NGF: variants seen among roughly 807,000 people sequenced by gnomAD.
The protein encoded by NGF is beta-nerve growth factor.
Under a neutral mutation model 12.8 loss-of-function variants are expected in NGF, and 4 were observed. That is an observed-to-expected ratio of 0.31 (90% CI 0.15 to 0.72). The LOEUF is 0.72. Ranked by LOEUF, NGF falls within the 30% of genes least tolerant of loss-of-function variation. The probability of loss-of-function intolerance (pLI) is 0.69; values close to 1 mark genes in which losing one functional copy is unlikely to be tolerated. For missense variants in NGF, 283 were observed against 330.8 expected, an observed-to-expected ratio of 0.86 and a Z score of 1.12; for synonymous variants, 140 against 130.0, an observed-to-expected ratio of 1.08 and a Z score of -0.52.
At chr1:115,327,410 GAC>G (rs1430969809) in intron 1 of NGF, among the ~76,000 whole-genome samples, 2 of 152,224 alleles carry the variant, frequency 1.3e-5, no homozygotes, top group East Asian at 3.9e-4. Flanking sequence ...TCATTTCCAA[GAC>G]ACAGAGATGC....
At chr1:115,306,511 G>A (rs1014814304) in intron 1 of NGF, among the ~76,000 whole-genome samples, 2 of 152,114 alleles carry the variant, frequency 1.3e-5, no homozygotes, top group African/African-American at 4.8e-5. Context: ...CAGGTGAAAT[G>A]GTCTCTTTCT....
At chr1:115,307,470 C>T (rs1354357072) in intron 1 of NGF, among the ~76,000 whole-genome samples, 1 of 152,190 alleles carries the variant, frequency 6.6e-6, no homozygotes, top group Non-Finnish European at 1.5e-5. Context: ...ATCTCAACCT[C>T]AGCTCTGGTG....
intron 1 of NGF, among the ~76,000 whole-genome samples, chr1:115,303,600 C>T (rs12058927): frequency 0.25 from 37,504 of 151,926 alleles, 5,484 homozygotes; most frequent in African/African-American, 0.41. Context: ...CAACATCCTA[C>T]CACCACCACC....
chr1:115,310,884 G>A (rs1191550249), intron 1 of NGF, among the ~76,000 whole-genome samples: 2 of 152,126 alleles, frequency 1.3e-5, no homozygotes, highest in African/African-American at 4.8e-5. Flanking sequence ...AGGGGTCATG[G>A]GAGGAGTAAC....
intron 2 of NGF, among the ~76,000 whole-genome samples, chr1:115,292,200 T>A (rs1653724105): frequency 6.6e-6 from 1 of 152,102 alleles, no homozygotes; most frequent in African/African-American, 2.4e-5. Flanking sequence ...TCCAGCAAGG[T>A]ACTTCAGAGG....
At chr1:115,305,451 C>G (rs1272235075) in intron 1 of NGF, among the ~76,000 whole-genome samples, 1 of 152,210 alleles carries the variant, frequency 6.6e-6, no homozygotes, top group Non-Finnish European at 1.5e-5. Context: ...AAGGGAGCAA[C>G]AGTTCCACCC....
In NGF at chr1:115,327,347, T is replaced by G. The variant is rs1319562741; in HGVS notation, c.-137+10857A>C. Among the ~76,000 whole-genome samples, 2 of 152,234 alleles carry G rather than the reference T, an allele frequency of 1.3e-5. 1 individual carries two copies. The highest frequency in any genetic ancestry group is 4.8e-5 in the African/African-American group (2 of 41,462). Reference sequence around the variant, plus strand: ...GCTTTCTGACATCTCCTGCTCTTTTTTGGAAAAGTTCAAAAACAGCACTTG... The same window carrying G: ...GCTTTCTGACATCTCCTGCTCTTTTGTGGAAAAGTTCAAAAACAGCACTTG... On this transcript the variant is annotated intron_variant, in intron 1 of 2. Coordinates refer to ENST00000369512, the MANE Select transcript of NGF (RefSeq NM_002506.3).
intron 2 of NGF, among the ~76,000 whole-genome samples, chr1:115,289,155 C>T (rs929481386): frequency 6.6e-6 from 1 of 152,166 alleles, no homozygotes; most frequent in Non-Finnish European, 1.5e-5. Context: ...GTCCGGTCAA[C>T]TCTTAGCGGA....
intron 1 of NGF, among the ~76,000 whole-genome samples, chr1:115,294,735 AT>A (rs1392251608): frequency 7.2e-5 from 11 of 152,230 alleles, no homozygotes; most frequent in South Asian, 2.1e-4. Context: ...GGGAGAGAAC[AT>A]TCTAGGCAGC....
intron 1 of NGF, among the ~76,000 whole-genome samples, chr1:115,312,380 T>A (rs1654357375): frequency 6.6e-6 from 1 of 152,174 alleles, no homozygotes; most frequent in Non-Finnish European, 1.5e-5. Flanking sequence ...CCATGCTAGG[T>A]ACCACAGAGA....
At chr1:115,320,995 A>C (rs565009682) in intron 1 of NGF, among the ~76,000 whole-genome samples, 2 of 151,706 alleles carry the variant, frequency 1.3e-5, no homozygotes, top group Non-Finnish European at 2.9e-5. Flanking sequence ...TTTCTGGAGG[A>C]CCTCTCTTTA....
At chr1:115,300,544 G>A (rs111684725) in intron 1 of NGF, among the ~76,000 whole-genome samples, 1,799 of 152,288 alleles carry the variant, frequency 0.012, 39 homozygotes, top group African/African-American at 0.04. Flanking sequence ...AAGGGAAACC[G>A]AATCTGAGGA....
intron 1 of NGF, among the ~76,000 whole-genome samples, chr1:115,314,400 G>C (rs1654416304): frequency 6.6e-6 from 1 of 152,312 alleles, no homozygotes; most frequent in African/African-American, 2.4e-5. Context: ...TCCCAGAGCT[G>C]CTGCCTAAGT....
At chr1:115,311,589 A>G (rs540438310) in intron 1 of NGF, among the ~76,000 whole-genome samples, 2 of 152,350 alleles carry the variant, frequency 1.3e-5, no homozygotes, top group East Asian at 3.9e-4. Context: ...ACTGCCTCCC[A>G]CAGCACAGAA....
At chr1:115,314,495 A>C (rs1220445872) in intron 1 of NGF, among the ~76,000 whole-genome samples, 3 of 152,218 alleles carry the variant, frequency 2.0e-5, no homozygotes, top group Non-Finnish European at 4.4e-5. Context: ...ACTGGATTTA[A>C]GTCACAAAAT....
chr1:115,322,679 A>G lies in NGF; in HGVS notation c.-137+15525T>C, dbSNP rs372902323. 1.1e-4 allele frequency among the ~76,000 whole-genome samples: 17 copies of G among 152,350 alleles called. No homozygotes were observed. The East Asian group carries it at 1.7e-3, about 16-fold the overall frequency. On this transcript the variant is annotated intron_variant, in intron 1 of 2. Coordinates refer to ENST00000369512, the MANE Select transcript of NGF (RefSeq NM_002506.3). ...TTTTGAGGCTTGTGTGCCCGGAACTATGTTAACCATTTTATAAGCATTGCT... is the reference window on the plus strand; with the variant it reads ...TTTTGAGGCTTGTGTGCCCGGAACTGTGTTAACCATTTTATAAGCATTGCT...
chr1:115,333,020 A>T (rs1424675246), intron 1 of NGF, among the ~76,000 whole-genome samples: 1 of 152,136 alleles, frequency 6.6e-6, no homozygotes, highest in East Asian at 1.9e-4. Context: ...CATGCAAGTC[A>T]CTCCATTACT....
intron 1 of NGF, among the ~76,000 whole-genome samples, chr1:115,312,668 G>C (rs759638514): frequency 3.9e-5 from 6 of 152,094 alleles, no homozygotes; most frequent in South Asian, 4.2e-4. Flanking sequence ...AGAGAGCCTG[G>C]CCTGTACAAG....
chr1:115,296,623 T>C (rs1443393715), intron 1 of NGF, among the ~76,000 whole-genome samples: 5 of 152,226 alleles, frequency 3.3e-5, no homozygotes, highest in Non-Finnish European at 7.3e-5. Flanking sequence ...GTCTGATTGC[T>C]ATATTTGAAA....
Sources: gnomAD v4.1 joint callset for allele counts (sites outside exome capture counted in the v4.1 genomes callset) on GRCh38, gnomAD v4.1.1 for gene constraint, MANE v1.5 for transcripts, NCBI Gene and HGNC (gene_info 2026-07-23, HGNC 2026-07-21) for gene names.